The following SHPRH variants were observed in gnomAD, a reference collection of about 807,000 sequenced individuals.
SHPRH encodes the protein E3 ubiquitin-protein ligase SHPRH.
SHPRH carries 106 observed loss-of-function variants against 202.5 expected under a neutral mutation model. The ratio of observed to expected loss-of-function variants is 0.52; its 90% CI spans 0.45 to 0.62. The LOEUF (loss-of-function observed/expected upper bound fraction) is 0.62, where lower values mean the gene tolerates loss of function less well. SHPRH is among the 20% of genes least tolerant of loss of function. The pLI is 0.00. For missense variants in SHPRH, 1,710 were observed against 2,020.0 expected (o/e 0.85, Z 2.94); for synonymous variants, 729 against 686.0 (o/e 1.06, Z -0.98).
chr6:145,888,258 C>T (rs1419048811), intron 28 of SHPRH, among the ~76,000 whole-genome samples, 158 bp from the exon 29 acceptor site: 1 of 152,096 alleles, frequency 6.6e-6, no homozygotes, highest in East Asian at 1.9e-4. Flanking sequence ...ACTATTTAAT[C>T]TCCATGAGCT....
chr6:145,918,142 T>C lies in SHPRH; in HGVS notation c.4243A>G (p.Asn1415Asp), dbSNP rs1298033207. The C allele has an allele frequency of 3.1e-6, 5 of 1,606,730 alleles. No homozygotes were observed. The highest frequency in any genetic ancestry group is 2.7e-5 in the African/African-American group (2 of 74,464). The change falls in exon 23 of 30, where the codon AAT becomes GAT. Residue 1415 changes from asparagine (N) to aspartate (D), a missense_variant. Asn to Asp is a conservative substitution (Grantham distance 23). This residue lies in a region of SHPRH where 306 missense variants were observed against 479.5 expected (regional missense o/e 0.64). Coordinates refer to ENST00000275233, the MANE Select transcript of SHPRH (RefSeq NM_001042683.3). The stretch of plus-strand genomic sequence containing the variant: ...CTTAGAAACAATACCTTCTCCAAAT[T>C]AGTTAGGTAAAGAAGCTGCCCAAGT... Reference protein sequence around the residue: ...KKLGQLLYLTNLEKSQDKTSG... With the variant: ...KKLGQLLYLTDLEKSQDKTSG...
At chr6:145,916,027 C>T (rs1478639513) in intron 23 of SHPRH, among the ~76,000 whole-genome samples, 4 of 151,730 alleles carry the variant, frequency 2.6e-5, no homozygotes, top group East Asian at 3.9e-4. Flanking sequence ...CTCTTTTGCC[C>T]TATTTTGTTC....
chr6:145,929,226 C>T (rs1010734533), intron 14 of SHPRH, among the ~76,000 whole-genome samples: 10 of 151,860 alleles, frequency 6.6e-5, no homozygotes, highest in African/African-American at 2.4e-4. Context: ...AATACCCATT[C>T]TCAGCCACTT....
At chr6:145,904,414 G>C (rs1782766593) in intron 25 of SHPRH, 1 of 152,100 alleles carries the variant, frequency 6.6e-6, no homozygotes, top group Admixed American at 6.6e-5. Context: ...TGAAAATAAT[G>C]CCTTAATTAT....
At chr6:145,959,175 G>A (rs1466651266) in intron 1 of SHPRH, among the ~76,000 whole-genome samples, 2 of 152,098 alleles carry the variant, frequency 1.3e-5, no homozygotes, top group Non-Finnish European at 2.9e-5. Context: ...TAGCATAAGT[G>A]TACAGTGTTT....
intron 26 of SHPRH, among the ~76,000 whole-genome samples, chr6:145,894,677 G>A (rs1054448905): frequency 2.6e-5 from 4 of 151,742 alleles, no homozygotes; most frequent in African/African-American, 9.7e-5. Context: ...CTAATAAAAA[G>A]TCATGAAATA....
chr6:145,962,388 G>A (rs1312410978), intron 1 of SHPRH, among the ~76,000 whole-genome samples: 3 of 152,156 alleles, frequency 2.0e-5, no homozygotes, highest in Non-Finnish European at 4.4e-5. Flanking sequence ...AGGACCTAAC[G>A]ATACTTTACT....
At chr6:145,929,894 A>G (rs1387474482) in intron 14 of SHPRH, among the ~76,000 whole-genome samples, 1 of 152,134 alleles carries the variant, frequency 6.6e-6, no homozygotes, top group East Asian at 1.9e-4. Context: ...TACCATAACC[A>G]ATAACATCAT....
chr6:145,903,932 A>T (rs1782724564), intron 25 of SHPRH: 1 of 152,078 alleles, frequency 6.6e-6, no homozygotes, highest in South Asian at 2.1e-4. Context: ...GTAGGTTCCA[A>T]AGGTCATTTA....
chr6:145,893,912 AC>A (rs571223605), intron 27 of SHPRH, among the ~76,000 whole-genome samples: 84 of 151,972 alleles, frequency 5.5e-4, no homozygotes, highest in African/African-American at 1.9e-3. Context: ...CTTTTCCTGT[AC>A]TAAAAAAAAA....
chr6:145,946,417 C>A, intron 6 of SHPRH, 76 bp from the exon 7 acceptor site: 1 of 1,210,566 alleles, frequency 8.3e-7, no homozygotes, highest in Non-Finnish European at 1.1e-6. Flanking sequence ...AATTAACTTT[C>A]CTTCTTTATG....
chr6:145,861,006 C>T (rs1188944151), downstream of SHPRH, among the ~76,000 whole-genome samples: 1 of 151,990 alleles, frequency 6.6e-6, no homozygotes, highest in African/African-American at 2.4e-5. Context: ...TAAATACTTA[C>T]ATGTAGAACT....
chr6:145,954,791 C>T lies in SHPRH; in HGVS notation c.532G>A (p.Glu178Lys). 1 of 1,613,852 alleles carries T rather than the reference C, an allele frequency of 6.2e-7. No individual in the cohort carries two copies. Among genetic ancestry groups the T allele is most frequent in the Non-Finnish European group, 8.5e-7 (1 of 1,179,876 alleles). Reference sequence around the variant, plus strand: ...AACATTTCACCACTGAAGGATGACTCCACCAGAATACCCTTGTCACAAATA... The same window carrying T: ...AACATTTCACCACTGAAGGATGACTTCACCAGAATACCCTTGTCACAAATA... ...MSICDKGILV[E>K]SSFSGEMLED... The change falls in exon 2 of 30, where the codon GAG (glutamate) becomes AAG (lysine). Residue 178 changes from glutamate (E) to lysine (K), a missense_variant. Around this residue, in one of 8 missense-constraint regions of SHPRH, gnomAD observed 459 missense variants for 426.5 expected, o/e 1.08. Coordinates refer to ENST00000275233, the MANE Select transcript of SHPRH (RefSeq NM_001042683.3).
chr6:145,877,309 C>T (rs1447939877), intron 2 of SHPRH, among the ~76,000 whole-genome samples: 2 of 152,134 alleles, frequency 1.3e-5, no homozygotes, highest in African/African-American at 4.8e-5. Flanking sequence ...TTTCTGTATC[C>T]TTAACAAAAC....
At chr6:145,926,352 G>A in intron 15 of SHPRH, 56 bp from the exon 16 acceptor site, 2 of 1,407,118 alleles carry the variant, frequency 1.4e-6, no homozygotes, top group Middle Eastern at 1.8e-4. Flanking sequence ...ACTCTGAAGA[G>A]AACCTAATAT....
At chr6:145,961,720 T>C (rs759310969) in intron 1 of SHPRH, among the ~76,000 whole-genome samples, 1 of 151,790 alleles carries the variant, frequency 6.6e-6, no homozygotes, top group Non-Finnish European at 1.5e-5. Context: ...AATGATAAAC[T>C]GCAGAAAAGT....
At chr6:145,930,113 C>A (rs1040863693) in intron 14 of SHPRH, among the ~76,000 whole-genome samples, 3 of 152,128 alleles carry the variant, frequency 2.0e-5, no homozygotes, top group African/African-American at 7.2e-5. Context: ...GCTATTTCTG[C>A]TCAGCTTCTG....
rs540654999 is a variant in SHPRH, at chr6:145,937,653, G to A, written c.2570-2212C>T. On this transcript the variant is annotated intron_variant, in intron 11 of 29. Transcript: ENST00000275233. Reference sequence around the variant, plus strand: ...GAAAAAAAATAAAATTCTTTAACAAGGCAAATAACATCCTCCATGGTCCCA... The same window carrying A: ...GAAAAAAAATAAAATTCTTTAACAAAGCAAATAACATCCTCCATGGTCCCA... Among the ~76,000 whole-genome samples the A allele has an allele frequency of 1.2e-3, 177 of 152,154 alleles. 1 individual carries two copies. The highest frequency in any genetic ancestry group is 3.9e-3 in the African/African-American group (163 of 41,524).
the SHPRH span, among the ~76,000 whole-genome samples, chr6:145,858,365 G>T: frequency 2.8e-4 from 42 of 151,644 alleles, no homozygotes; most frequent in Non-Finnish European, 5.7e-4. Flanking sequence ...TAAATGGAAA[G>T]TTACTTAGCA....
Sources: allele counts gnomAD v4.1 joint callset (sites outside exome capture counted in the v4.1 genomes callset), GRCh38; gene constraint gnomAD v4.1.1; regional missense constraint gnomAD v4.1.1; transcripts MANE v1.5; gene names NCBI Gene and HGNC (gene_info 2026-07-23, HGNC 2026-07-21).